PKHD1L1: variants seen among roughly 807,000 people sequenced by gnomAD.
The protein encoded by PKHD1L1 is fibrocystin-L.
A neutral mutation model predicts 462.9 loss-of-function variants in PKHD1L1; 434 were observed. That is an observed-to-expected ratio of 0.94 (90% CI 0.87 to 1.02). PKHD1L1 has a LOEUF of 1.02. PKHD1L1 is among the 50% of genes least tolerant of loss of function. PKHD1L1 has a pLI of 0.00. For synonymous variants in PKHD1L1, 1,781 were observed against 1,750.0 expected, an observed-to-expected ratio of 1.02 and a Z score of -0.44; for missense variants, 5,202 against 5,096.1, an observed-to-expected ratio of 1.02 and a Z score of -0.63.
At chr8:109,452,635 T>C (rs1816596683) in intron 42 of PKHD1L1, 83 bp from the exon 43 acceptor site, 3 of 739,568 alleles carry the variant, frequency 4.1e-6, no homozygotes, top group South Asian at 4.2e-5. Context: ...ATATTTATAT[T>C]GTAATAAAAT....
Position 109,530,158 on chromosome 8 carries a change from G to A in PKHD1L1, c.*68G>A. 1 of 976,706 alleles carries A rather than the reference G, an allele frequency of 1.0e-6. No homozygotes were observed. Among genetic ancestry groups the A allele is most frequent in the Non-Finnish European group, 1.4e-6 (1 of 714,854 alleles). The allele number at this position is 976,706 out of a possible 1,614,324, so 60.5% of individuals were successfully genotyped here. A position where few individuals can be genotyped will look rare whatever the true frequency, so the allele number is the denominator to read the frequency against. ...TATTAGCTACTTTGTTGGGCAATAG[G>A]CAAAAGTCTATAGCATTTTCATGAA... On this transcript the variant is annotated 3_prime_UTR_variant, in exon 78 of 78. Transcript: ENST00000378402.
rs753630378 is a variant in PKHD1L1 at position 109,508,284 on chromosome 8, A to T, written c.11395+20A>T. ...TTAATGGTAGGTATTCAATATGAGT[A>T]AACTACAATTACTCAAAACATTGCT... On this transcript the variant is annotated intron_variant, in intron 70 of 77. Transcript: ENST00000378402. The T allele has an allele frequency of 6.3e-7, 1 of 1,578,386 alleles. No individual in the cohort carries two copies. Among genetic ancestry groups the T allele is most frequent in the Non-Finnish European group, 8.6e-7 (1 of 1,162,214 alleles).
chr8:109,432,119 TC>T (rs1281546561), intron 27 of PKHD1L1, among the ~76,000 whole-genome samples: 5 of 152,176 alleles, frequency 3.3e-5, no homozygotes, highest in Non-Finnish European at 5.9e-5. Flanking sequence ...AGTGTTAGCA[TC>T]CTTTTTCCCT....
chr8:109,426,960 G>A, intron 24 of PKHD1L1, 42 bp from the exon 25 acceptor site: 1 of 1,129,448 alleles, frequency 8.9e-7, no homozygotes, highest in Non-Finnish European at 1.3e-6. Context: ...GCCCGTTTGT[G>A]AATTGTGACT....
chr8:109,439,231 C>T, intron 32 of PKHD1L1, 139 bp downstream of exon 32: 1 of 735,760 alleles, frequency 1.4e-6, no homozygotes, highest in Non-Finnish European at 2.2e-6. Context: ...GCAAAAGATG[C>T]CGAGAATATC....
At chr8:109,495,798 G>A (rs1477677984) in intron 63 of PKHD1L1, among the ~76,000 whole-genome samples, 1 of 152,124 alleles carries the variant, frequency 6.6e-6, no homozygotes, top group Non-Finnish European at 1.5e-5. Context: ...AGGAGAGCTG[G>A]TATTAAGTAC....
rs750221181 is a variant in PKHD1L1, at chr8:109,493,650, C to G, written c.10237-11C>G. The G allele has an allele frequency of 9.1e-6, 14 of 1,542,976 alleles. No homozygotes were observed. The highest frequency in any genetic ancestry group is 1.4e-5 in the African/African-American group (1 of 72,322). ...CTGATGCACAGTATTTTTTTTTAAT[C>G]ATTGCACTAGATAAATAGAGGGACC... is the stretch of plus-strand genomic sequence containing the variant. On this transcript the variant is annotated splice_polypyrimidine_tract_variant and intron_variant, in intron 62 of 77. Coordinates refer to ENST00000378402, the MANE Select transcript of PKHD1L1 (RefSeq NM_177531.6).
At position 109,523,260 on chromosome 8, in the gene PKHD1L1, G is replaced by A. The variant is rs754320130; in HGVS notation, c.12358G>A (p.Ala4120Thr). ...DGNCVSVGIT[A>T]LTLRAILKDS... ...TAACTGTGTATCAGTTGGAATTACTGCACTAACTTTGAGGGCCATACTCAA... is the reference window on the plus strand; with the variant it reads ...TAACTGTGTATCAGTTGGAATTACTACACTAACTTTGAGGGCCATACTCAA... Residue 4120 changes from alanine (A) to threonine (T), a missense_variant, in exon 76 of 78, where the codon GCA becomes ACA. Around this residue, in one of 3 missense-constraint regions of PKHD1L1, gnomAD observed 698 missense variants for 736.3 expected, o/e 0.95. Transcript: ENST00000378402. 3 of 1,605,720 alleles carry A rather than the reference G, an allele frequency of 1.9e-6. No individual in the cohort carries two copies. Among genetic ancestry groups the A allele is most frequent in the Non-Finnish European group, 8.5e-7 (1 of 1,175,700 alleles).
Position 109,511,230 on chromosome 8 carries a change from C to T in PKHD1L1, c.11553+296C>T, listed in dbSNP as rs111295249. Among the ~76,000 whole-genome samples the T allele has an allele frequency of 4.8e-3, 732 of 152,154 alleles. 5 individuals carry two copies. The highest frequency in any genetic ancestry group is 0.017 in the African/African-American group (696 of 41,498). On this transcript the variant is annotated intron_variant, in intron 71 of 77. Coordinates refer to ENST00000378402, the MANE Select transcript of PKHD1L1 (RefSeq NM_177531.6). ...TTATTATACTTTAAGTTTTAGGGTA[C>T]ATGTGCACAATGTGTAGGCCAGTCA...
intron 50 of PKHD1L1, among the ~76,000 whole-genome samples, chr8:109,473,971 G>T (rs139218759): frequency 2.6e-5 from 4 of 152,108 alleles, no homozygotes; most frequent in African/African-American, 9.7e-5. Context: ...CATTGGCCAA[G>T]ATCAATGAAG....
Position 109,452,230 on chromosome 8 carries a change from G to C in PKHD1L1, c.6457G>C (p.Gly2153Arg). ...ICMTDAHTLS[G>R]WAPVCVHIRG... ...CATGACAGATGCCCATACTCTATCA[G>C]GGTGGGCTCCAGTTTGTGTCCACAT... The change falls in exon 42 of 78, where the codon GGG (glycine) becomes CGG (arginine). Residue 2153 changes from glycine (G) to arginine (R), a missense_variant. This residue lies in a region of PKHD1L1 where 4,497 missense variants were observed against 4,336.8 expected (regional missense o/e 1.04). Coordinates refer to ENST00000378402, the MANE Select transcript of PKHD1L1 (RefSeq NM_177531.6). The C allele has an allele frequency of 6.2e-7, 1 of 1,611,988 alleles. No homozygotes were observed. Among genetic ancestry groups the C allele is most frequent in the Non-Finnish European group, 8.5e-7 (1 of 1,178,944 alleles).
chr8:109,404,817 C>A (rs1813448762), intron 15 of PKHD1L1, 104 bp downstream of exon 15: 14 of 1,219,380 alleles, frequency 1.1e-5, no homozygotes, highest in Non-Finnish European at 1.6e-5. Context: ...TAGGTGAAAG[C>A]AGTCATGGAC....
intron 72 of PKHD1L1, among the ~76,000 whole-genome samples, chr8:109,517,463 C>T (rs1820330233): frequency 6.6e-6 from 1 of 152,094 alleles, no homozygotes; most frequent in Non-Finnish European, 1.5e-5. Flanking sequence ...TTTGTCTGGG[C>T]TCAATAAGTG....
At chr8:109,440,995 A>G in intron 33 of PKHD1L1, 143 bp downstream of exon 33, 1 of 1,017,584 alleles carries the variant, frequency 9.8e-7, no homozygotes, top group Non-Finnish European at 1.4e-6. Flanking sequence ...ATTTGGTTAA[A>G]GTGATAAAGA....
At chr8:109,475,758 G>C (rs932137036) in intron 51 of PKHD1L1, among the ~76,000 whole-genome samples, 4 of 147,260 alleles carry the variant, frequency 2.7e-5, no homozygotes, top group African/African-American at 5.0e-5. Flanking sequence ...TGGGGCAGGA[G>C]AATCGCTTGA....
chr8:109,518,020 G>A (rs1297125959), intron 72 of PKHD1L1, 147 bp from the exon 73 acceptor site: 1 of 606,006 alleles, frequency 1.7e-6, no homozygotes, highest in Non-Finnish European at 2.8e-6. Flanking sequence ...AAGTGTTTTT[G>A]TTTTTAAAAA....
chr8:109,492,127 T>TA lies in PKHD1L1; in HGVS notation c.10236+133_10236+134insA, dbSNP rs1818863742. ...GATGTAAGTTTCGATGGCCATTGAT[T>TA]TTTTTTTTTTTCTGTCAATGTCTAT... On this transcript the variant is annotated intron_variant, in intron 62 of 77. Coordinates refer to ENST00000378402, the MANE Select transcript of PKHD1L1 (RefSeq NM_177531.6). 3.0e-3 allele frequency: 1,570 copies of TA among 523,430 alleles called. 2 individuals carry two copies. The highest frequency in any genetic ancestry group is 7.1e-3 in the South Asian group (128 of 18,090). 32.4% of individuals were successfully genotyped at this position (523,430 alleles called of 1,614,324 possible).
rs1815615802 is a variant in PKHD1L1 at position 109,439,039 on chromosome 8, T to G, written c.3903T>G (p.Pro1301=). Residue 1301 remains proline, a synonymous_variant, in exon 32 of 78, where the codon CCT becomes CCG. Transcript: ENST00000378402. ...GATGCCTTTTGCCCAAGTTGTCTCC[T>G]GGAAAACATGATATCTATGTAGAAG... ...DIRCLLPKLS[P]GKHDIYVEVR... is the part of the protein sequence containing the mutation. 6.2e-7 allele frequency: 1 copy of G among 1,613,590 alleles called. No individual in the cohort carries two copies.
chr8:109,406,393 G>A lies in PKHD1L1; in HGVS notation c.1728G>A (p.Trp576Ter), dbSNP rs369700503. The A allele has an allele frequency of 6.4e-7, 1 of 1,574,134 alleles. No individual in the cohort carries two copies. Among genetic ancestry groups the A allele is most frequent in the Non-Finnish European group, 8.6e-7 (1 of 1,158,568 alleles). ...TGCAATCAGCCTTGAATGACCTCTGGTCTATAAAACCGGACACAGTTCAAG... is the reference window on the plus strand; with the variant it reads ...TGCAATCAGCCTTGAATGACCTCTGATCTATAAAACCGGACACAGTTCAAG... ...FILQSALNDL[W>*]SIKPDTVQVI... The change falls in exon 17 of 78, where the codon TGG becomes TGA. Residue 576 changes from tryptophan to a stop codon, truncating the protein, a stop_gained. Coordinates refer to ENST00000378402, the MANE Select transcript of PKHD1L1 (RefSeq NM_177531.6). LOFTEE classifies it high-confidence loss of function.
Sources: gnomAD v4.1 joint callset for allele counts (sites outside exome capture counted in the v4.1 genomes callset) on GRCh38, gnomAD v4.1.1 for gene constraint, gnomAD v4.1.1 regional missense constraint, MANE v1.5 for transcripts, NCBI Gene and HGNC (gene_info 2026-07-23, HGNC 2026-07-21) for gene names.